SUPT3H: variants seen among roughly 807,000 people sequenced by gnomAD.
SUPT3H encodes transcription initiation protein SPT3 homolog.
A neutral mutation model predicts 44.3 loss-of-function variants in SUPT3H; 44 were observed. The observed-to-expected ratio is 0.99, with a 90% CI of 0.78 to 1.28. The LOEUF (loss-of-function observed/expected upper bound fraction) is 1.28, where lower values mean the gene tolerates loss of function less well. SUPT3H is among the 50% of genes most tolerant of loss of function. The pLI, the probability that SUPT3H is intolerant of heterozygous loss-of-function variation, is 0.00. For missense variants in SUPT3H, 380 were observed against 387.1 expected (o/e 0.98, Z 0.15); for synonymous variants, 124 against 125.6 (o/e 0.99, Z 0.09).
intron 10 of SUPT3H, among the ~76,000 whole-genome samples, chr6:44,845,870 A>G (rs1771782051): frequency 1.3e-5 from 2 of 152,250 alleles, no homozygotes; most frequent in African/African-American, 4.8e-5. Context: ...GTGTGATCTG[A>G]TTTTTCCGGT....
chr6:45,280,214 G>C (rs1248662636), intron 2 of SUPT3H, among the ~76,000 whole-genome samples: 1 of 152,028 alleles, frequency 6.6e-6, no homozygotes, highest in Admixed American at 6.6e-5. Context: ...CAAACTTTTA[G>C]GTATAGGCCA....
At chr6:45,292,450 C>T (rs1780466474) in intron 2 of SUPT3H, among the ~76,000 whole-genome samples, 1 of 151,870 alleles carries the variant, frequency 6.6e-6, no homozygotes, top group African/African-American at 2.4e-5. Context: ...GCAACGAATA[C>T]CATGGTGAAT....
chr6:45,330,446 G>A (rs1030735503), intron 2 of SUPT3H, among the ~76,000 whole-genome samples: 1 of 151,832 alleles, frequency 6.6e-6, no homozygotes, highest in South Asian at 2.1e-4. Flanking sequence ...GGATAACAGA[G>A]GCAGTTAAGT....
intron 3 of SUPT3H, among the ~76,000 whole-genome samples, chr6:45,104,447 C>A (rs1304459494): frequency 6.6e-6 from 1 of 151,938 alleles, no homozygotes; most frequent in African/African-American, 2.4e-5. Flanking sequence ...TTCTAGCCTG[C>A]CTGTTTTCTG....
In SUPT3H at chr6:44,842,973, TG is replaced by T. The variant is rs552758441; in HGVS notation, c.913-13117del. On this transcript the variant is annotated intron_variant, in intron 10 of 10. Coordinates refer to ENST00000371459, the MANE Select transcript of SUPT3H (RefSeq NM_003599.4). ...TGTTACGTGGAAGGGAATTATCACC[TG>T]GGCACATTGTGGCTACCCAAATGTC... Among the ~76,000 whole-genome samples the T allele has an allele frequency of 1.3e-3, 197 of 152,190 alleles. 1 individual carries two copies. The highest frequency in any genetic ancestry group is 4.6e-3 in the African/African-American group (193 of 41,516).
chr6:44,938,161 G>C (rs1771800089), intron 9 of SUPT3H, among the ~76,000 whole-genome samples: 1 of 151,558 alleles, frequency 6.6e-6, no homozygotes, highest in Admixed American at 6.6e-5. Context: ...CCAATGTCCA[G>C]AAGAGTTTTC....
chr6:45,327,628 A>G (rs1357323223), intron 2 of SUPT3H, among the ~76,000 whole-genome samples: 4 of 152,004 alleles, frequency 2.6e-5, no homozygotes, highest in Non-Finnish European at 5.9e-5. Context: ...TAAACTAGAC[A>G]GACGTGATTT....
At chr6:44,863,281 A>C (rs1774955202) in intron 10 of SUPT3H, among the ~76,000 whole-genome samples, 1 of 152,212 alleles carries the variant, frequency 6.6e-6, no homozygotes, top group African/African-American at 2.4e-5. Context: ...CAGTGGAAGA[A>C]ATATGCAATA....
At chr6:45,059,640 T>A (rs1791668570) in intron 3 of SUPT3H, among the ~76,000 whole-genome samples, 1 of 152,056 alleles carries the variant, frequency 6.6e-6, no homozygotes, top group East Asian at 1.9e-4. Context: ...AGAGAGGAAG[T>A]CAAATTATCT....
At chr6:44,809,715 C>T (rs1285225591) in intron 11 of SUPT3H, among the ~76,000 whole-genome samples, 1 of 152,184 alleles carries the variant, frequency 6.6e-6, no homozygotes, top group Non-Finnish European at 1.5e-5. Flanking sequence ...AGTTTTGACT[C>T]CCACTTATGC....
At chr6:44,907,272 A>G (rs1296361262) in intron 10 of SUPT3H, among the ~76,000 whole-genome samples, 2 of 152,224 alleles carry the variant, frequency 1.3e-5, no homozygotes, top group East Asian at 3.8e-4. Context: ...TATTGTTTAA[A>G]GGTGGGAAAT....
At position 45,260,580 on chromosome 6, in the gene SUPT3H, CAT is replaced by C. The variant is rs771094736; in HGVS notation, c.101+104619_101+104620del. ...GTCCATTTTTATTAGTCTCTCATAA[CAT>C]AGATTATCTTTTAATCTCTACATTT... On this transcript the variant is annotated intron_variant, in intron 2 of 10. Coordinates refer to ENST00000371459, the MANE Select transcript of SUPT3H (RefSeq NM_003599.4). Among the ~76,000 whole-genome samples, 79 of 152,068 alleles carry C rather than the reference CAT, an allele frequency of 5.2e-4. 1 individual carries two copies. Among genetic ancestry groups the C allele is most frequent in the Non-Finnish European group, 1.1e-3 (73 of 67,986 alleles).
chr6:45,230,678 A>ATTTTTTT (rs1767839516), intron 2 of SUPT3H, among the ~76,000 whole-genome samples: 1 of 110,236 alleles, frequency 9.1e-6, no homozygotes, highest in African/African-American at 3.7e-5. Flanking sequence ...ATATATATAT[A>ATTTTTTT]TATATATATT....
At chr6:45,189,039 T>G (rs1464487879) in intron 2 of SUPT3H, among the ~76,000 whole-genome samples, 4 of 152,164 alleles carry the variant, frequency 2.6e-5, no homozygotes, top group African/African-American at 9.7e-5. Flanking sequence ...CGGGCTCAAG[T>G]GAACCTCCTG....
intron 10 of SUPT3H, among the ~76,000 whole-genome samples, chr6:44,872,648 A>G (rs969459625): frequency 7.7e-6 from 1 of 129,398 alleles, no homozygotes; most frequent in African/African-American, 2.8e-5. Flanking sequence ...AAACATAACA[A>G]TATTAACTTT....
At chr6:44,983,263 T>C (rs1280814792) in intron 6 of SUPT3H, among the ~76,000 whole-genome samples, 2 of 152,150 alleles carry the variant, frequency 1.3e-5, no homozygotes, top group Non-Finnish European at 2.9e-5. Flanking sequence ...GGGTGACTTG[T>C]TAGGTAAAAG....
chr6:44,912,044 G>T lies in SUPT3H; in HGVS notation c.912+20609C>A, dbSNP rs374883135. Among the ~76,000 whole-genome samples, 6 of 152,184 alleles carry T rather than the reference G, an allele frequency of 3.9e-5. No individual in the cohort carries two copies. The East Asian group carries it at 5.8e-4, about 15-fold the overall frequency. On this transcript the variant is annotated intron_variant, in intron 10 of 10. Coordinates refer to ENST00000371459, the MANE Select transcript of SUPT3H (RefSeq NM_003599.4). ...CGAAGTCATGGCAGCACAATCCACA[G>T]AACTTCATGGAATTCAGCAGCAGTT...
At chr6:44,973,440 C>T (rs975568502) in intron 6 of SUPT3H, among the ~76,000 whole-genome samples, 2 of 152,204 alleles carry the variant, frequency 1.3e-5, no homozygotes, top group African/African-American at 4.8e-5. Flanking sequence ...CAAAGCCATT[C>T]AACAAGTCTG....
intron 2 of SUPT3H, among the ~76,000 whole-genome samples, chr6:45,138,696 G>A (rs1395230642): frequency 1.3e-5 from 2 of 152,230 alleles, no homozygotes; most frequent in South Asian, 2.1e-4. Flanking sequence ...CAATCAAGAG[G>A]AGTAGTTATA....
Sources: gnomAD v4.1 joint callset for allele counts (sites outside exome capture counted in the v4.1 genomes callset) on GRCh38, gnomAD v4.1.1 for gene constraint, MANE v1.5 for transcripts, NCBI Gene and HGNC (gene_info 2026-07-23, HGNC 2026-07-21) for gene names.